Variants in DIS3L2 observed in about 807,000 individuals in gnomAD.
DIS3L2 encodes the protein DIS3 like 3'-5' exoribonuclease 2.
In DIS3L2, 34 loss-of-function variants were observed where a neutral mutation model predicts 97.5. The observed-to-expected ratio is 0.35, with a 90% CI of 0.27 to 0.46. DIS3L2 has a LOEUF of 0.46. Ranked by LOEUF, DIS3L2 falls within the 20% of genes least tolerant of loss-of-function variation. DIS3L2 has a pLI of 1.00. For synonymous variants in DIS3L2, 435 were observed against 445.2 expected, an observed-to-expected ratio of 0.98 and a Z score of 0.29; for missense variants, 1,038 against 1,146.0, an observed-to-expected ratio of 0.91 and a Z score of 1.36.
chr2:232,194,365 A>G (rs959084456), intron 9 of DIS3L2, among the ~76,000 whole-genome samples: 5 of 152,184 alleles, frequency 3.3e-5, no homozygotes, highest in Non-Finnish European at 7.4e-5. Flanking sequence ...TAAAAAGAGT[A>G]AAGTCTAGAA....
intron 6 of DIS3L2, among the ~76,000 whole-genome samples, chr2:232,111,524 G>A (rs1416426989): frequency 6.6e-6 from 1 of 152,148 alleles, no homozygotes; most frequent in Non-Finnish European, 1.5e-5. Flanking sequence ...GCCTGCACCA[G>A]TAGAACTTTC....
intron 13 of DIS3L2, among the ~76,000 whole-genome samples, chr2:232,342,627 T>C (rs1232349388): frequency 6.6e-6 from 1 of 152,236 alleles, no homozygotes; most frequent in African/African-American, 2.4e-5. Flanking sequence ...AGTCCACTAT[T>C]CTAGCAACAG....
chr2:232,203,796 G>A (rs1002542365), intron 9 of DIS3L2, among the ~76,000 whole-genome samples: 1 of 152,146 alleles, frequency 6.6e-6, no homozygotes, highest in African/African-American at 2.4e-5. Context: ...GGCTGTGAGG[G>A]TTTACTGGAA....
At chr2:232,266,967 C>T (rs991675176) in intron 13 of DIS3L2, among the ~76,000 whole-genome samples, 2 of 152,132 alleles carry the variant, frequency 1.3e-5, no homozygotes, top group African/African-American at 2.4e-5. Context: ...GATGACTTTC[C>T]GAATGAATGG....
intron 1 of DIS3L2, among the ~76,000 whole-genome samples, chr2:231,987,525 A>C (rs537762309): frequency 1.6e-4 from 25 of 152,332 alleles, no homozygotes; most frequent in African/African-American, 5.5e-4. Flanking sequence ...CAAGTTGAAC[A>C]CTTGCTAGCT....
At chr2:232,175,564 TTC>T (rs1195336107) in intron 9 of DIS3L2, among the ~76,000 whole-genome samples, 22 of 152,160 alleles carry the variant, frequency 1.4e-4, no homozygotes, top group Non-Finnish European at 3.2e-4. Flanking sequence ...ATAGTTTTTT[TTC>T]TTTTTTTCTT....
intron 6 of DIS3L2, among the ~76,000 whole-genome samples, chr2:232,128,130 A>G (rs975774095): frequency 6.7e-6 from 1 of 150,238 alleles, no homozygotes. Flanking sequence ...TTTTTTTTGT[A>G]TTTTTTGTAG....
At chr2:232,062,697 A>G (rs1348413128) in intron 5 of DIS3L2, among the ~76,000 whole-genome samples, 1 of 151,720 alleles carries the variant, frequency 6.6e-6, no homozygotes, top group Admixed American at 6.6e-5. Context: ...AGATATCCAG[A>G]CTCTCCCAAG....
chr2:232,340,003 G>C (rs1215310502), downstream of DIS3L2, among the ~76,000 whole-genome samples: 4 of 152,206 alleles, frequency 2.6e-5, no homozygotes, highest in East Asian at 7.7e-4. Flanking sequence ...AGAAGAGCCA[G>C]GGGTGGCCCT....
intron 8 of DIS3L2, among the ~76,000 whole-genome samples, chr2:232,149,186 C>T (rs1269762237): frequency 2.8e-5 from 4 of 142,582 alleles, no homozygotes; most frequent in Non-Finnish European, 5.9e-5. Context: ...CATTCCAGCG[C>T]TTAAAAGTTT....
At chr2:232,336,379 C>T in intron 20 of DIS3L2, 90 bp from the exon 21 acceptor site, 1 of 1,550,082 alleles carries the variant, frequency 6.5e-7, no homozygotes, top group Non-Finnish European at 8.7e-7. Flanking sequence ...GAAGGAGGGG[C>T]CAGGGGTCCT....
chr2:232,313,145 A>G (rs2106332343), intron 14 of DIS3L2, among the ~76,000 whole-genome samples: 1 of 152,288 alleles, frequency 6.6e-6, no homozygotes, highest in South Asian at 2.1e-4. Context: ...TAATAATAAT[A>G]GGCATTTATG....
intron 10 of DIS3L2, among the ~76,000 whole-genome samples, chr2:232,234,458 T>G (rs1692880553): frequency 6.6e-6 from 1 of 152,228 alleles, no homozygotes; most frequent in Non-Finnish European, 1.5e-5. Context: ...CGAGTGATTC[T>G]CCTGCCTCAG....
intron 6 of DIS3L2, among the ~76,000 whole-genome samples, chr2:232,125,003 A>G (rs770389273): frequency 1.1e-4 from 17 of 152,212 alleles, no homozygotes; most frequent in South Asian, 2.1e-4. Context: ...GAGGCGTTTC[A>G]TGGTCTGGTC....
intron 5 of DIS3L2, among the ~76,000 whole-genome samples, chr2:232,044,920 G>A (rs1470366722): frequency 1.3e-5 from 2 of 152,160 alleles, no homozygotes; most frequent in East Asian, 3.9e-4. Context: ...GTGAGTCACT[G>A]CTCCCAGACA....
intron 10 of DIS3L2, among the ~76,000 whole-genome samples, chr2:232,224,614 G>A (rs185488522): frequency 6.6e-6 from 1 of 152,170 alleles, no homozygotes; most frequent in East Asian, 1.9e-4. Context: ...GCAGGCAGGT[G>A]GATCCCTTGA....
At chr2:232,227,109 ATATT>A (rs1450311498) in intron 10 of DIS3L2, among the ~76,000 whole-genome samples, 1 of 152,222 alleles carries the variant, frequency 6.6e-6, no homozygotes, top group African/African-American at 2.4e-5. Context: ...ATTTCAACAA[ATATT>A]TATTGTTTCT....
intron 1 of DIS3L2, among the ~76,000 whole-genome samples, chr2:231,965,073 A>ATCTATATG (rs1394523201): frequency 6.6e-6 from 1 of 152,198 alleles, no homozygotes; most frequent in Non-Finnish European, 1.5e-5. Flanking sequence ...CTTAGTACAA[A>ATCTATATG]TCTATATGAC....
At chr2:232,052,368 T>C (rs1695434857) in intron 5 of DIS3L2, among the ~76,000 whole-genome samples, 1 of 152,208 alleles carries the variant, frequency 6.6e-6, no homozygotes, top group South Asian at 2.1e-4. Flanking sequence ...TAAACTTGAT[T>C]GTAGATTTCA....
Sources: gnomAD v4.1 joint callset for allele counts (sites outside exome capture counted in the v4.1 genomes callset) on GRCh38, gnomAD v4.1.1 for gene constraint, MANE v1.5 for transcripts, NCBI Gene and HGNC (gene_info 2026-07-23, HGNC 2026-07-21) for gene names.